TNRC6A: variants seen among roughly 807,000 people sequenced by gnomAD.
TNRC6A encodes the protein trinucleotide repeat-containing gene 6A protein.
TNRC6A carries 44 observed loss-of-function variants against 221.2 expected under a neutral mutation model. That is an observed-to-expected ratio of 0.20 (90% CI 0.16 to 0.26). The LOEUF is 0.26. Among genes scored for constraint, TNRC6A ranks in the 10% least tolerant of loss-of-function variants. TNRC6A has a pLI of 1.00. For synonymous variants in TNRC6A, 847 were observed against 838.5 expected (o/e 1.01, Z -0.18); for missense variants, 2,199 against 2,404.4 (o/e 0.91, Z 1.79).
chr16:24,820,054 T>C, intron 21 of TNRC6A, 85 bp from the exon 22 acceptor site: 1 of 1,282,942 alleles, frequency 7.8e-7, no homozygotes, highest in Non-Finnish European at 1.1e-6. Context: ...ATTTGCTTTT[T>C]GTGGGAGAAT....
Position 24,823,051 on chromosome 16 carries a change from G to A in TNRC6A, c.5513+38G>A, listed in dbSNP as rs1393840173. On this transcript the variant is annotated intron_variant, in intron 24 of 24. Coordinates refer to ENST00000395799, the MANE Select transcript of TNRC6A (RefSeq NM_014494.4). The surrounding 1 kb of genome is among the most constrained non-coding windows in gnomAD (Gnocchi z 4.3). ...TTGGGCTCCCAGTTGGAAGAGTCTA[G>A]GGGAAGGAGTGTGAGAGCACAGCCT... The A allele has an allele frequency of 1.9e-6, 3 of 1,613,690 alleles. No homozygotes were observed. The Admixed American group carries it at 5.0e-5, about 27-fold the overall frequency.
At chr16:24,696,047 T>C (rs1460024778) in intron 2 of TNRC6A, among the ~76,000 whole-genome samples, 2 of 152,052 alleles carry the variant, frequency 1.3e-5, no homozygotes, top group Non-Finnish European at 2.9e-5. Flanking sequence ...CTGCGCTTTT[T>C]ATGTGGTTGA....
At position 24,804,163 on chromosome 16, in the gene TNRC6A, C is replaced by T; in HGVS notation, c.3695-14C>T. On this transcript the variant is annotated splice_polypyrimidine_tract_variant and intron_variant, in intron 11 of 24. Transcript: ENST00000395799. ...TTGTCTTCCTGTTTGATAACAGTCT[C>T]CTGCCTTTATTAGGAATGTTACAAG... 6.3e-7 allele frequency: 1 copy of T among 1,588,040 alleles called. No individual in the cohort carries two copies. The highest frequency in any genetic ancestry group is 1.2e-5 in the South Asian group (1 of 85,818).
chr16:24,737,038 C>T (rs1299258762), intron 2 of TNRC6A, among the ~76,000 whole-genome samples: 2 of 152,050 alleles, frequency 1.3e-5, no homozygotes, highest in African/African-American at 2.4e-5. Context: ...AAAGAATGCC[C>T]CATTGAAATT....
chr16:24,703,470 C>G (rs2056029744), intron 2 of TNRC6A, among the ~76,000 whole-genome samples: 1 of 152,116 alleles, frequency 6.6e-6, no homozygotes, highest in Non-Finnish European at 1.5e-5. Flanking sequence ...GTCTGTTACT[C>G]AGGAGGCCGA....
Position 24,823,587 on chromosome 16 carries a change from C to T in TNRC6A, c.5669C>T (p.Ser1890Leu). 1 of 1,614,172 alleles carries T rather than the reference C, an allele frequency of 6.2e-7. No homozygotes were observed. Among genetic ancestry groups the T allele is most frequent in the Non-Finnish European group, 8.5e-7 (1 of 1,180,028 alleles). ...CTGGGCTCCCTCGACTGTTCCCACT[C>T]ATTCTCCAGCCGGACCGATCTCAAT... Reference protein sequence around the residue: ...SRLGSLDCSHSFSSRTDLNHW... With the variant: ...SRLGSLDCSHLFSSRTDLNHW... Residue 1890 changes from serine to leucine, a missense_variant, in exon 25 of 25, where the codon TCA (serine) becomes TTA (leucine). Physicochemically the swap from Ser to Leu is moderately radical, Grantham distance 145. Coordinates refer to ENST00000395799, the MANE Select transcript of TNRC6A (RefSeq NM_014494.4). The surrounding 1 kb of genome is among the most constrained non-coding windows in gnomAD (Gnocchi z 4.3).
chr16:24,711,182 GT>G (rs1369529394), intron 2 of TNRC6A, among the ~76,000 whole-genome samples: 1 of 151,724 alleles, frequency 6.6e-6, no homozygotes, highest in Non-Finnish European at 1.5e-5. Context: ...AAATTTTTGT[GT>G]TTTTAGTAGA....
intron 4 of TNRC6A, among the ~76,000 whole-genome samples, chr16:24,769,636 G>A (rs1281990083): frequency 6.6e-6 from 1 of 152,132 alleles, no homozygotes; most frequent in Non-Finnish European, 1.5e-5. Flanking sequence ...GGCTGGTCTT[G>A]TCCTGCTCTC....
At chr16:24,716,293 A>C (rs2142357292) in intron 2 of TNRC6A, among the ~76,000 whole-genome samples, 1 of 152,308 alleles carries the variant, frequency 6.6e-6, no homozygotes, top group South Asian at 2.1e-4. Flanking sequence ...CTGCATTTTT[A>C]GCCGTTTCAG....
At chr16:24,771,354 G>T (rs909785032) in intron 4 of TNRC6A, among the ~76,000 whole-genome samples, 2 of 152,056 alleles carry the variant, frequency 1.3e-5, no homozygotes, top group African/African-American at 4.8e-5. Flanking sequence ...CTTGCCCATG[G>T]TCATATAGCT....
At chr16:24,798,150 G>A (rs2058259257) in intron 11 of TNRC6A, 184 bp downstream of exon 11, 1 of 453,908 alleles carries the variant, frequency 2.2e-6, no homozygotes, top group Non-Finnish European at 3.9e-6. Flanking sequence ...GTGCAGATCA[G>A]TGGTGATATT....
At chr16:24,676,118 T>C (rs1444839736) in intron 2 of TNRC6A, among the ~76,000 whole-genome samples, 2 of 151,844 alleles carry the variant, frequency 1.3e-5, no homozygotes, top group Admixed American at 6.6e-5. Flanking sequence ...GCCAATAAGA[T>C]AAAAAGAATC....
Position 24,738,773 on chromosome 16 carries a change from C to G in TNRC6A, c.53+8473C>G, listed in dbSNP as rs550320633. Among the ~76,000 whole-genome samples, 125 of 152,272 alleles carry G rather than the reference C, an allele frequency of 8.2e-4. 1 individual carries two copies. The highest frequency in any genetic ancestry group is 2.9e-3 in the African/African-American group (120 of 41,574). The stretch of plus-strand genomic sequence containing the variant: ...ATTCATGTACAAATGTTTGTGTGGA[C>G]ATATATTTTCAATTCTATTGGTTAT... On this transcript the variant is annotated intron_variant, in intron 2 of 24. Coordinates refer to ENST00000395799, the MANE Select transcript of TNRC6A (RefSeq NM_014494.4).
chr16:24,644,104 T>TTTTTTTTA, intron 2 of TNRC6A, among the ~76,000 whole-genome samples: 2 of 146,274 alleles, frequency 1.4e-5, no homozygotes, highest in Admixed American at 6.9e-5. Context: ...TTTTTTTTTT[T>TTTTTTTTA]GAGACAGAGT....
At chr16:24,631,569 C>T (rs562582852) in intron 1 of TNRC6A, among the ~76,000 whole-genome samples, 3 of 151,946 alleles carry the variant, frequency 2.0e-5, no homozygotes, top group Admixed American at 1.3e-4. Context: ...GTTAAGAGTT[C>T]GAGACCAGCC....
chr16:24,683,269 T>C (rs1441107626), intron 2 of TNRC6A, among the ~76,000 whole-genome samples: 1 of 152,102 alleles, frequency 6.6e-6, no homozygotes, highest in East Asian at 1.9e-4. Context: ...CAATCATAGT[T>C]TACTTCAGCC....
In TNRC6A at chr16:24,791,483, C is replaced by T. The variant is rs116279720; in HGVS notation, c.2841C>T (p.Asn947=). 492 of 1,531,416 alleles carry T rather than the reference C, an allele frequency of 3.2e-4. 3 individuals are homozygous for T. The African/African-American group carries it at 5.6e-3, about 17-fold the overall frequency. 94.9% of individuals were successfully genotyped at this position (1,531,416 alleles called of 1,614,324 possible). A position where few individuals can be genotyped will look rare whatever the true frequency, so the allele number is the denominator to read the frequency against. ...SSKPVSSPDW[N]KQQDIVGSWG... is the part of the protein sequence containing the mutation. ...AGCCAGTCAGCTCTCCAGACTGGAA[C>T]AAGCAACAAGACATTGTTGGATCTT... Residue 947 remains asparagine, a synonymous_variant, in exon 6 of 25, where the codon AAC becomes AAT. Transcript: ENST00000395799.
chr16:24,737,912 T>A (rs1481083985), intron 2 of TNRC6A, among the ~76,000 whole-genome samples: 3 of 152,234 alleles, frequency 2.0e-5, no homozygotes, highest in Non-Finnish European at 4.4e-5. Context: ...CTTTTAAATA[T>A]CATTTATTCC....
chr16:24,640,236 C>A (rs887946873), intron 1 of TNRC6A, among the ~76,000 whole-genome samples: 1 of 151,750 alleles, frequency 6.6e-6, no homozygotes, highest in African/African-American at 2.4e-5. Context: ...TCTGCCTCTG[C>A]AAAAAATACA....
Sources: gnomAD v4.1 joint callset for allele counts (sites outside exome capture counted in the v4.1 genomes callset) on GRCh38, gnomAD v4.1.1 for gene constraint, Gnocchi (gnomAD v3.1) non-coding constraint, MANE v1.5 for transcripts, NCBI Gene and HGNC (gene_info 2026-07-23, HGNC 2026-07-21) for gene names.